Variants in DPYD observed in about 807,000 individuals in gnomAD.
DPYD encodes dihydropyrimidine dehydrogenase [NADP(+)].
DPYD carries 109 observed loss-of-function variants against 116.2 expected under a neutral mutation model. The ratio of observed to expected loss-of-function variants is 0.94; its 90% confidence interval spans 0.80 to 1.10. The LOEUF is 1.10. Ranked by LOEUF, DPYD falls within the 50% of genes least tolerant of loss-of-function variation. The pLI, the probability that DPYD is intolerant of heterozygous loss-of-function variation, is 0.00. For missense variants in DPYD, 1,302 were observed against 1,254.5 expected (o/e 1.04, Z -0.57); for synonymous variants, 440 against 432.0 (o/e 1.02, Z -0.23).
chr1:97,603,436 G>T (rs914312114), intron 8 of DPYD, among the ~76,000 whole-genome samples: 2 of 151,804 alleles, frequency 1.3e-5, no homozygotes, highest in African/African-American at 2.4e-5. Flanking sequence ...CATTAAAAAA[G>T]TAATTAAAAC....
chr1:97,642,589 G>C (rs987913562), intron 8 of DPYD, among the ~76,000 whole-genome samples: 9 of 151,464 alleles, frequency 5.9e-5, no homozygotes, highest in Non-Finnish European at 1.3e-4. Context: ...ACAAAAATTA[G>C]CTCAAGATGG....
At chr1:97,862,873 A>G (rs1571490181) in intron 2 of DPYD, among the ~76,000 whole-genome samples, 2 of 151,952 alleles carry the variant, frequency 1.3e-5, no homozygotes, top group African/African-American at 4.8e-5. Flanking sequence ...TGAGAAAATG[A>G]TAACAAATAT....
chr1:97,715,502 C>T (rs1662563422), intron 5 of DPYD, among the ~76,000 whole-genome samples: 1 of 152,072 alleles, frequency 6.6e-6, no homozygotes, highest in Non-Finnish European at 1.5e-5. Context: ...CTGATCAATG[C>T]CCAATCAATG....
intron 8 of DPYD, among the ~76,000 whole-genome samples, chr1:97,634,910 T>C (rs1219052209): frequency 6.6e-6 from 1 of 151,298 alleles, no homozygotes; most frequent in African/African-American, 2.4e-5. Flanking sequence ...CTAGTTGCAA[T>C]TGCTTGAAAT....
chr1:97,446,232 ACATTACT>A (rs1211793846), intron 14 of DPYD, among the ~76,000 whole-genome samples: 1 of 152,214 alleles, frequency 6.6e-6, no homozygotes, highest in Non-Finnish European at 1.5e-5. Context: ...TAAAAAAAAT[ACATTACT>A]ATATCGTATA....
intron 12 of DPYD, among the ~76,000 whole-genome samples, chr1:97,542,084 C>T (rs982826033): frequency 6.6e-6 from 1 of 152,170 alleles, no homozygotes; most frequent in Admixed American, 6.5e-5. Flanking sequence ...CATATCATTT[C>T]TATACATGAA....
At chr1:97,631,620 T>C (rs1657263314) in intron 8 of DPYD, among the ~76,000 whole-genome samples, 1 of 152,204 alleles carries the variant, frequency 6.6e-6, no homozygotes, top group Non-Finnish European at 1.5e-5. Flanking sequence ...AGGAATTTCA[T>C]ATATAAAAAT....
chr1:97,188,729 T>A (rs984371190), intron 20 of DPYD, among the ~76,000 whole-genome samples: 1 of 152,198 alleles, frequency 6.6e-6, no homozygotes, highest in African/African-American at 2.4e-5. Context: ...ATCAGTATGT[T>A]CAATTCAGCT....
intron 21 of DPYD, among the ~76,000 whole-genome samples, chr1:97,093,850 C>T (rs576953036): frequency 2.0e-5 from 3 of 152,138 alleles, no homozygotes; most frequent in East Asian, 3.9e-4. Context: ...CTTCATGACA[C>T]GTCTCTCCTC....
At chr1:97,587,653 G>A (rs1429447136) in intron 10 of DPYD, among the ~76,000 whole-genome samples, 2 of 151,616 alleles carry the variant, frequency 1.3e-5, no homozygotes, top group South Asian at 2.1e-4. Flanking sequence ...GTGAAACCCC[G>A]TTTCGAACTT....
intron 20 of DPYD, among the ~76,000 whole-genome samples, chr1:97,162,424 G>A (rs1211428896): frequency 6.6e-6 from 1 of 152,032 alleles, no homozygotes; most frequent in Non-Finnish European, 1.5e-5. Context: ...AACTTACAAG[G>A]GACGTGAAGG....
At chr1:97,917,763 A>G (rs1407954326) in intron 1 of DPYD, among the ~76,000 whole-genome samples, 8 of 152,204 alleles carry the variant, frequency 5.3e-5, no homozygotes, top group Admixed American at 5.2e-4. Context: ...GTATTCAAAT[A>G]GTTAAAAGCT....
intron 18 of DPYD, among the ~76,000 whole-genome samples, chr1:97,258,833 G>A (rs1049728621): frequency 6.6e-6 from 1 of 152,136 alleles, no homozygotes; most frequent in Non-Finnish European, 1.5e-5. Flanking sequence ...GTGATTAGCA[G>A]ATGGTCATTT....
At chr1:97,726,030 G>A (rs1313441044) in intron 4 of DPYD, among the ~76,000 whole-genome samples, 2 of 151,282 alleles carry the variant, frequency 1.3e-5, no homozygotes, top group African/African-American at 4.8e-5. Context: ...TAAAGGAGTG[G>A]GAATTATATA....
intron 18 of DPYD, chr1:97,280,334 A>G (rs950077999): frequency 2.0e-5 from 3 of 152,198 alleles, no homozygotes; most frequent in Non-Finnish European, 4.4e-5. Flanking sequence ...AACCAAACAT[A>G]GCTAACATCT....
Position 97,150,881 on chromosome 1 carries a change from T to C in DPYD, c.2622+42188A>G, listed in dbSNP as rs142031455. Reference sequence around the variant, plus strand: ...ATATTGCATCTTCCTGGAATTCTAGTACATTATAATGACAAATGTTTTTCA... The same window carrying C: ...ATATTGCATCTTCCTGGAATTCTAGCACATTATAATGACAAATGTTTTTCA... On this transcript the variant is annotated intron_variant, in intron 20 of 22. Transcript: ENST00000370192. Among the ~76,000 whole-genome samples, 263 of 152,344 alleles carry C rather than the reference T, an allele frequency of 1.7e-3. 3 individuals carry two copies. The highest frequency in any genetic ancestry group is 6.0e-3 in the African/African-American group (251 of 41,588).
At chr1:97,819,634 C>T (rs1668816061) in intron 3 of DPYD, among the ~76,000 whole-genome samples, 1 of 151,894 alleles carries the variant, frequency 6.6e-6, no homozygotes, top group Admixed American at 6.6e-5. Context: ...TTCTTCAATG[C>T]CACTTTGATT....
chr1:97,498,490 C>CTGTGTG (rs10591961), intron 13 of DPYD, among the ~76,000 whole-genome samples: 187 of 148,600 alleles, frequency 1.3e-3, no homozygotes, highest in Non-Finnish European at 2.2e-3. Flanking sequence ...CTCTCTTTCT[C>CTGTGTG]TGTGTGTGTG....
chr1:97,208,836 T>C (rs1158938560), intron 19 of DPYD, among the ~76,000 whole-genome samples: 1 of 152,102 alleles, frequency 6.6e-6, no homozygotes, highest in African/African-American at 2.4e-5. Flanking sequence ...AATTATTAAG[T>C]ACTGTTTACT....
Sources: allele counts gnomAD v4.1 joint callset (sites outside exome capture counted in the v4.1 genomes callset), GRCh38; gene constraint gnomAD v4.1.1; transcripts MANE v1.5; gene names NCBI Gene and HGNC (gene_info 2026-07-23, HGNC 2026-07-21).